The following NUDT12 variants were observed in gnomAD, a reference collection of about 807,000 sequenced individuals.
NUDT12 encodes the protein nudix hydrolase 12, also known as NAD-capped RNA hydrolase NUDT12.
A neutral mutation model predicts 45.7 loss-of-function variants in NUDT12; 42 were observed. The observed-to-expected ratio is 0.92, with a 90% CI of 0.72 to 1.19. The LOEUF is 1.19. Among genes scored for constraint, NUDT12 ranks in the 50% most tolerant of loss-of-function variants. NUDT12 has a pLI of 0.00. For synonymous variants in NUDT12, 206 were observed against 179.7 expected, an observed-to-expected ratio of 1.15 and a Z score of -1.17; for missense variants, 590 against 533.1, an observed-to-expected ratio of 1.11 and a Z score of -1.05.
At chr5:103,560,854 C>T (rs1464013768) in intron 1 of NUDT12, among the ~76,000 whole-genome samples, 1 of 152,112 alleles carries the variant, frequency 6.6e-6, no homozygotes, top group Non-Finnish European at 1.5e-5. Context: ...ATCAGATGAT[C>T]ATATATTTTT....
At chr5:103,554,663 G>T (rs902728947) in intron 5 of NUDT12, 77 bp downstream of exon 5, 1 of 470,910 alleles carries the variant, frequency 2.1e-6, no homozygotes, top group Non-Finnish European at 3.6e-6. Context: ...ATTTATCAGA[G>T]ATTATTTCTC....
intron 5 of NUDT12, among the ~76,000 whole-genome samples, chr5:103,553,045 C>A (rs997563654): frequency 8.6e-5 from 13 of 151,992 alleles, no homozygotes; most frequent in African/African-American, 3.1e-4. Flanking sequence ...TAAGTAAAAT[C>A]ATTTCTAAGT....
Position 103,560,277 on chromosome 5 carries a change from GA to G in NUDT12, c.-6-24del, listed in dbSNP as rs757572744. 1.1e-5 allele frequency: 17 copies of G among 1,509,472 alleles called. No individual in the cohort carries two copies. In the South Asian group the frequency reaches 1.8e-4, roughly 16 times the overall value. The allele number at this position is 1,509,472 out of a possible 1,614,324, so 93.5% of individuals were successfully genotyped here. On this transcript the variant is annotated intron_variant, in intron 1 of 6. Transcript: ENST00000230792. ...TTCCTTAAAAGAAGGAAAATCAGGG[GA>G]AAAAGCTTATTTGCAACTGCTTTTT... is the stretch of plus-strand genomic sequence containing the variant.
chr5:103,552,167 A>G (rs1289902302), intron 6 of NUDT12, 50 bp downstream of exon 6: 1 of 1,492,616 alleles, frequency 6.7e-7, no homozygotes, highest in Admixed American at 1.7e-5. Context: ...GACCAAACCA[A>G]TACAGTCAGG....
At chr5:103,553,819 AT>A (rs1748729908) in intron 5 of NUDT12, among the ~76,000 whole-genome samples, 1 of 152,052 alleles carries the variant, frequency 6.6e-6, no homozygotes, top group South Asian at 2.1e-4. Flanking sequence ...CAGCATAGTG[AT>A]TTGGAGCAAG....
At chr5:103,554,407 A>C (rs1300907418) in intron 5 of NUDT12, 1 of 159,318 alleles carries the variant, frequency 6.3e-6, no homozygotes, top group Non-Finnish European at 1.4e-5. Context: ...TGGGGCAATC[A>C]AGCAAGGCCT....
chr5:103,551,367 G>T (rs912723140), intron 6 of NUDT12, among the ~76,000 whole-genome samples: 1 of 152,088 alleles, frequency 6.6e-6, no homozygotes. Context: ...TCCTGCCTTG[G>T]CCTTCCAAAG....
At position 103,559,162 on chromosome 5, in the gene NUDT12, C is replaced by A; in HGVS notation, c.513G>T (p.Gln171His). ...TLGGNKESFQ[Q>H]PEVRLCQLNY... ...TCAGCTGACAAAGCCTAACTTCTGGCTGTTGGAAACTTTCTTTATTGCCAC... is the reference window on the plus strand; with the variant it reads ...TCAGCTGACAAAGCCTAACTTCTGGATGTTGGAAACTTTCTTTATTGCCAC... Residue 171 changes from glutamine to histidine, a missense_variant, in exon 3 of 7, where the codon CAG becomes CAT. Coordinates refer to ENST00000230792, the MANE Select transcript of NUDT12 (RefSeq NM_031438.4). 1.3e-6 allele frequency: 2 copies of A among 1,559,156 alleles called. No individual in the cohort carries two copies. The highest frequency in any genetic ancestry group is 1.4e-5 in the African/African-American group (1 of 72,752).
chr5:103,557,194 G>A (rs187678234), intron 3 of NUDT12, among the ~76,000 whole-genome samples: 2 of 149,538 alleles, frequency 1.3e-5, no homozygotes, highest in Non-Finnish European at 3.0e-5. Context: ...AACTTATAGA[G>A]CAAGTGAGTT....
chr5:103,554,714 A>G (rs1389851723), intron 5 of NUDT12, 26 bp downstream of exon 5: 1 of 821,258 alleles, frequency 1.2e-6, no homozygotes, highest in Non-Finnish European at 1.8e-6. Context: ...TATAAATTAA[A>G]TATAAATTAT....
chr5:103,555,917 A>T lies in NUDT12; in HGVS notation c.964+14T>A. 1 of 1,486,236 alleles carries T rather than the reference A, an allele frequency of 6.7e-7. No homozygotes were observed. Among genetic ancestry groups the T allele is most frequent in the Non-Finnish European group, 9.0e-7 (1 of 1,114,934 alleles). 92.1% of individuals were successfully genotyped at this position (1,486,236 alleles called of 1,614,324 possible). A position where few individuals can be genotyped will look rare whatever the true frequency, so the allele number is the denominator to read the frequency against. On this transcript the variant is annotated intron_variant, in intron 4 of 6. Coordinates refer to ENST00000230792, the MANE Select transcript of NUDT12 (RefSeq NM_031438.4). ...CAAGATCCAGGTGGCTGAGATATAA[A>T]ATAAAGGGCTTACCAACTCTTGGGT... is the stretch of plus-strand genomic sequence containing the variant.
Position 103,560,193 on chromosome 5 carries a change from G to C in NUDT12, c.56C>G (p.Ser19Ter). 20 of 1,613,812 alleles carry C rather than the reference G, an allele frequency of 1.2e-5. No homozygotes were observed. Among genetic ancestry groups the C allele is most frequent in the Non-Finnish European group, 1.7e-5 (20 of 1,179,750 alleles). Residue 19 changes from serine to a stop codon, truncating the protein, a stop_gained, in exon 2 of 7, where the codon TCA (serine) becomes TGA (stop). Transcript: ENST00000230792. LOFTEE classifies it high-confidence loss of function. ...KQEIVTQFHCSAAEGDIAKLT... is the reference protein window; with the variant it reads ...KQEIVTQFHC ...CTTGGCAATATCTCCTTCAGCAGCT[G>C]AACAGTGAAACTGAGTAACTATTTC...
intron 3 of NUDT12, among the ~76,000 whole-genome samples, chr5:103,557,614 G>T (rs1748869477): frequency 6.7e-6 from 1 of 150,084 alleles, no homozygotes; most frequent in Non-Finnish European, 1.5e-5. Flanking sequence ...AAACCACTTT[G>T]CCTTCATCTT....
intron 1 of NUDT12, among the ~76,000 whole-genome samples, chr5:103,562,333 C>T (rs370647541): frequency 2.0e-5 from 3 of 152,238 alleles, no homozygotes; most frequent in African/African-American, 7.2e-5. Flanking sequence ...CACTCAAGAC[C>T]AATTAAGTGC....
Position 103,560,185 on chromosome 5 carries a change from C to T in NUDT12, c.64G>A (p.Glu22Lys). Residue 22 changes from glutamate to lysine, a missense_variant, in exon 2 of 7, where the codon GAA becomes AAA. By Grantham distance (56) the Glu-to-Lys change is moderately conservative. Transcript: ENST00000230792. ...CCTGTTAACTTGGCAATATCTCCTT[C>T]AGCAGCTGAACAGTGAAACTGAGTA... Reference protein sequence around the residue: ...IVTQFHCSAAEGDIAKLTGIL... With the variant: ...IVTQFHCSAAKGDIAKLTGIL... 1 of 1,613,848 alleles carries T rather than the reference C, an allele frequency of 6.2e-7. No homozygotes were observed. Among genetic ancestry groups the T allele is most frequent in the East Asian group, 2.2e-5 (1 of 44,864 alleles).
intron 6 of NUDT12, 124 bp downstream of exon 6, chr5:103,552,093 C>A: frequency 1.5e-6 from 1 of 679,824 alleles, no homozygotes; most frequent in East Asian, 2.6e-5. Context: ...ACCATGTAAT[C>A]CATGCATAAT....
intron 5 of NUDT12, among the ~76,000 whole-genome samples, chr5:103,553,600 T>C (rs1338486680): frequency 6.6e-6 from 1 of 152,088 alleles, no homozygotes; most frequent in Non-Finnish European, 1.5e-5. Context: ...TCATAACACA[T>C]GAGCTGGTCG....
intron 5 of NUDT12, among the ~76,000 whole-genome samples, chr5:103,553,876 T>G (rs759493962): frequency 2.0e-5 from 3 of 152,050 alleles, no homozygotes; most frequent in Non-Finnish European, 4.4e-5. Flanking sequence ...TCCTTATCAC[T>G]TATTAGCTGT....
At chr5:103,560,850 T>A (rs1244011119) in intron 1 of NUDT12, among the ~76,000 whole-genome samples, 1 of 152,188 alleles carries the variant, frequency 6.6e-6, no homozygotes, top group Non-Finnish European at 1.5e-5. Context: ...ACAAATCAGA[T>A]GATCATATAT....
Sources: gnomAD v4.1 joint callset for allele counts (sites outside exome capture counted in the v4.1 genomes callset) on GRCh38, gnomAD v4.1.1 for gene constraint, MANE v1.5 for transcripts, NCBI Gene and HGNC (gene_info 2026-07-23, HGNC 2026-07-21) for gene names.